Variants in ATP2B2 observed in about 807,000 individuals in gnomAD.
ATP2B2 encodes plasma membrane calcium-transporting ATPase 2.
In ATP2B2, 15 loss-of-function variants were observed where a neutral mutation model predicts 120.0. The ratio of observed to expected loss-of-function variants is 0.12; its 90% CI spans 0.08 to 0.19. The LOEUF is 0.19. Ranked by LOEUF, ATP2B2 falls within the 10% of genes least tolerant of loss-of-function variation. The pLI, the probability that ATP2B2 is intolerant of heterozygous loss-of-function variation, is 1.00. For synonymous variants in ATP2B2, 694 were observed against 700.3 expected, an observed-to-expected ratio of 0.99 and a Z score of 0.14; for missense variants, 1,045 against 1,719.8, an observed-to-expected ratio of 0.61 and a Z score of 6.94.
chr3:10,459,089 C>T (rs372257951), intron 1 of ATP2B2, among the ~76,000 whole-genome samples: 4 of 152,182 alleles, frequency 2.6e-5, no homozygotes, highest in Non-Finnish European at 5.9e-5. Flanking sequence ...CAGGTCAAGT[C>T]GTGCTTGGCT....
chr3:10,411,501 C>A (rs6784621), intron 2 of ATP2B2, among the ~76,000 whole-genome samples: 4,322 of 152,324 alleles, frequency 0.028, 68 homozygotes, highest in Middle Eastern at 0.061. Context: ...GAATGCCGCG[C>A]AGTGGTTAGA....
At chr3:10,410,865 G>A (rs1276212238) in intron 2 of ATP2B2, 50 bp from the exon 3 acceptor site, 1 of 1,590,332 alleles carries the variant, frequency 6.3e-7, no homozygotes, top group Non-Finnish European at 8.6e-7. Flanking sequence ...AGAGATGCAG[G>A]CATGTTCTGG....
chr3:10,554,041 T>A (rs2067727559), intron 2 of ATP2B2, among the ~76,000 whole-genome samples: 1 of 151,892 alleles, frequency 6.6e-6, no homozygotes, highest in Admixed American at 6.6e-5. Flanking sequence ...CTGCAGCTTT[T>A]CAGAACAAGG....
chr3:10,375,413 C>T lies in ATP2B2; in HGVS notation c.1416+17G>A, dbSNP rs200385103. 6.9e-6 allele frequency: 11 copies of T among 1,603,798 alleles called. No homozygotes were observed. The highest frequency in any genetic ancestry group is 5.5e-5 in the South Asian group (5 of 90,860). ...CAGCTGCATCAGCCGGCTGGTCCTG[C>T]TCTCCTCCCCTCTCACCTTCACCGA... On this transcript the variant is annotated intron_variant, in intron 11 of 22. Coordinates refer to ENST00000360273, the MANE Select transcript of ATP2B2 (RefSeq NM_001001331.4). This position sits in a 1 kb window ranked among gnomAD's most constrained non-coding sequence, Gnocchi z 4.2.
chr3:10,420,143 G>A (rs954386447), intron 2 of ATP2B2, among the ~76,000 whole-genome samples: 1 of 152,242 alleles, frequency 6.6e-6, no homozygotes, highest in East Asian at 1.9e-4. Context: ...TGTGGCACAG[G>A]CTGAGTGGGG....
chr3:10,603,155 C>G (rs1402964581), intron 2 of ATP2B2, among the ~76,000 whole-genome samples: 2 of 152,232 alleles, frequency 1.3e-5, no homozygotes, highest in Non-Finnish European at 2.9e-5. Context: ...CTGAGCAAGC[C>G]TACAGCAGCA....
intron 1 of ATP2B2, among the ~76,000 whole-genome samples, chr3:10,504,899 C>A (rs981154510): frequency 3.9e-5 from 6 of 152,148 alleles, no homozygotes; most frequent in African/African-American, 9.7e-5. Context: ...GTCCCTGCCA[C>A]CACATGACCC....
chr3:10,599,208 G>C (rs763736469), intron 2 of ATP2B2, among the ~76,000 whole-genome samples: 5 of 152,194 alleles, frequency 3.3e-5, no homozygotes, highest in Non-Finnish European at 7.4e-5. Flanking sequence ...GCTACCCACG[G>C]CCTTCAGAAC....
At chr3:10,442,954 A>G (rs1364120064) in intron 2 of ATP2B2, among the ~76,000 whole-genome samples, 1 of 152,238 alleles carries the variant, frequency 6.6e-6, no homozygotes, top group Non-Finnish European at 1.5e-5. Context: ...TAACTGGTCC[A>G]ACGTCCCACA....
chr3:10,572,947 C>A (rs1337450413), intron 2 of ATP2B2, among the ~76,000 whole-genome samples: 1 of 152,136 alleles, frequency 6.6e-6, no homozygotes, highest in East Asian at 1.9e-4. Context: ...GACAGGAACA[C>A]AATAAGGCTT....
At chr3:10,622,966 A>G (rs1177241381) in intron 1 of ATP2B2, among the ~76,000 whole-genome samples, 2 of 151,810 alleles carry the variant, frequency 1.3e-5, no homozygotes, top group African/African-American at 4.8e-5. Flanking sequence ...AAATGGGGGT[A>G]GAAACAACCC....
At chr3:10,622,918 TCACTTCAGC>T (rs562548827) in intron 1 of ATP2B2, among the ~76,000 whole-genome samples, 2 of 152,286 alleles carry the variant, frequency 1.3e-5, no homozygotes, top group South Asian at 4.1e-4. Context: ...CTTGAGCAAG[TCACTTCAGC>T]CTCCTGAGGT....
At chr3:10,607,000 C>G (rs201838829) in intron 2 of ATP2B2, among the ~76,000 whole-genome samples, 43 of 146,016 alleles carry the variant, frequency 2.9e-4, no homozygotes, top group African/African-American at 6.7e-4. Flanking sequence ...GAGAGAGAGA[C>G]AGAGAGAGAG....
chr3:10,394,870 C>T (rs879568354), intron 5 of ATP2B2, among the ~76,000 whole-genome samples: 2 of 152,042 alleles, frequency 1.3e-5, no homozygotes, highest in Non-Finnish European at 2.9e-5. Context: ...ATCCTGGCCC[C>T]CTGGCTCCAG....
intron 1 of ATP2B2, among the ~76,000 whole-genome samples, chr3:10,693,934 C>T (rs549351482): frequency 4.9e-4 from 75 of 152,302 alleles, no homozygotes; most frequent in African/African-American, 1.7e-3. Flanking sequence ...TTGCAGGCAC[C>T]ATGCAGTGGG....
At chr3:10,674,350 G>T (rs1230172160) in intron 1 of ATP2B2, among the ~76,000 whole-genome samples, 3 of 152,164 alleles carry the variant, frequency 2.0e-5, no homozygotes, top group Admixed American at 2.0e-4. Context: ...TTTAGGTCCT[G>T]GATTAAGCTT....
rs62238392 is a variant in ATP2B2 at position 10,457,843 on chromosome 3, C to T, written c.-319-7981G>A. On this transcript the variant is annotated intron_variant, in intron 1 of 22. Coordinates refer to ENST00000360273, the MANE Select transcript of ATP2B2 (RefSeq NM_001001331.4). Reference sequence around the variant, plus strand: ...TCCCAAAGAAACCGCCTTGCATCAGCCTTGAAGGCACAGGTGGCAGACGTA... The same window carrying T: ...TCCCAAAGAAACCGCCTTGCATCAGTCTTGAAGGCACAGGTGGCAGACGTA... 1.0e-2 allele frequency among the ~76,000 whole-genome samples: 1,520 copies of T among 152,244 alleles called. 13 individuals carry two copies. Among genetic ancestry groups the T allele is most frequent in the Middle Eastern group, 0.024 (7 of 294 alleles).
At chr3:10,485,485 G>A (rs576335204) in intron 1 of ATP2B2, among the ~76,000 whole-genome samples, 65 of 152,300 alleles carry the variant, frequency 4.3e-4, no homozygotes, top group Non-Finnish European at 6.2e-4. Context: ...GCCTCCTCTC[G>A]CCTTGGCAGT....
intron 1 of ATP2B2, among the ~76,000 whole-genome samples, chr3:10,681,608 T>C (rs557143834): frequency 5.9e-5 from 9 of 152,350 alleles, no homozygotes; most frequent in Non-Finnish European, 8.8e-5. Context: ...AAAAACAGAC[T>C]TCACAACAGG....
Sources: gnomAD v4.1 joint callset for allele counts (sites outside exome capture counted in the v4.1 genomes callset) on GRCh38, gnomAD v4.1.1 for gene constraint, Gnocchi (gnomAD v3.1) non-coding constraint, MANE v1.5 for transcripts, NCBI Gene and HGNC (gene_info 2026-07-23, HGNC 2026-07-21) for gene names.